KIF20B: variants seen among roughly 807,000 people sequenced by gnomAD.
KIF20B encodes the protein kinesin family member 20B, also known as kinesin-like protein KIF20B.
In KIF20B, 188 loss-of-function variants were observed where a neutral mutation model predicts 232.5. The ratio of observed to expected loss-of-function variants is 0.81; its 90% CI spans 0.72 to 0.91. KIF20B has a LOEUF of 0.91. Ranked by LOEUF, KIF20B falls within the 40% of genes least tolerant of loss-of-function variation. The pLI, the probability that KIF20B is intolerant of heterozygous loss-of-function variation, is 0.00. For missense variants in KIF20B, 2,154 were observed against 2,055.9 expected (o/e 1.05, Z -0.92); for synonymous variants, 712 against 683.0 (o/e 1.04, Z -0.66).
Position 89,738,285 on chromosome 10 carries a change from G to C in KIF20B, c.3444G>C (p.Ala1148=), listed in dbSNP as rs764171222. 2 of 1,610,892 alleles carry C rather than the reference G, an allele frequency of 1.2e-6. No homozygotes were observed. The highest frequency in any genetic ancestry group is 3.4e-5 in the Admixed American group (2 of 59,546). The part of the protein sequence containing the change: ...QIQHVVEGKR[A]LSELTQGVTC... ...AGCATGTAGTTGAAGGAAAGAGAGC[G>C]CTTTCAGAACTTACACAAGGTGTTA... The change falls in exon 20 of 33, where the codon GCG becomes GCC. Residue 1148 remains alanine (A), a synonymous_variant. Coordinates refer to ENST00000371728, the MANE Select transcript of KIF20B (RefSeq NM_001284259.2).
In KIF20B at chr10:89,715,066, T is replaced by C. The variant is rs776079423; in HGVS notation, c.824T>C (p.Phe275Ser). The change falls in exon 8 of 33, where the codon TTC becomes TCC. Residue 275 changes from phenylalanine to serine, a missense_variant. By Grantham distance (155) the Phe-to-Ser change is radical. Transcript: ENST00000371728. ...ATAAAATTTTCTGTGTGGGTTTCTT[T>C]CTTTGAAATTTACAATGAATATATT... is the stretch of plus-strand genomic sequence containing the variant. Reference protein sequence around the residue: ...NSIKFSVWVSFFEIYNEYIYD... With the variant: ...NSIKFSVWVSSFEIYNEYIYD... The C allele has an allele frequency of 6.2e-7, 1 of 1,606,524 alleles. No homozygotes were observed. Among genetic ancestry groups the C allele is most frequent in the South Asian group, 1.1e-5 (1 of 89,392 alleles).
rs78731683 is a variant in KIF20B at position 89,706,631 on chromosome 10, AT to A, written c.147+1203del. On this transcript the variant is annotated intron_variant, in intron 2 of 32. Coordinates refer to ENST00000371728, the MANE Select transcript of KIF20B (RefSeq NM_001284259.2). Reference sequence around the variant, plus strand: ...TTCTTTTTCTTTTTAGCTTCCATACATTTTTTTTTTTTTAACTACATAAGTA... The same window carrying A: ...TTCTTTTTCTTTTTAGCTTCCATACATTTTTTTTTTTTAACTACATAAGTA... 8.8e-3 allele frequency among the ~76,000 whole-genome samples: 1,276 copies of A among 144,804 alleles called. 11 individuals carry two copies. Among genetic ancestry groups the A allele is most frequent in the African/African-American group, 0.017 (688 of 40,124 alleles). 95.0% of individuals were successfully genotyped at this position (144,804 alleles called of 152,430 possible). A position where few individuals can be genotyped will look rare whatever the true frequency, so the allele number is the denominator to read the frequency against.
At chr10:89,714,881 G>A (rs1407746769) in intron 7 of KIF20B, 74 bp from the exon 8 acceptor site, 13 of 912,496 alleles carry the variant, frequency 1.4e-5, no homozygotes, top group Non-Finnish European at 2.0e-5. Flanking sequence ...TGTGAGAATC[G>A]ATTTGTACTT....
At position 89,705,224 on chromosome 10, in the gene KIF20B, T is replaced by C. The variant is rs1013998261; in HGVS notation, c.-1-70T>C. 581 of 1,385,876 alleles carry C rather than the reference T, an allele frequency of 4.2e-4. 1 individual carries two copies. Among genetic ancestry groups the C allele is most frequent in the Non-Finnish European group, 5.5e-4 (547 of 987,552 alleles). 85.8% of individuals were successfully genotyped at this position (1,385,876 alleles called of 1,614,324 possible). A position where few individuals can be genotyped will look rare whatever the true frequency, so the allele number is the denominator to read the frequency against. ...TTTGGAGGGAAGTAGTGGGCTAGACTTTTGAAAGTGTGGGTGGCTTACATG... is the reference window on the plus strand; with the variant it reads ...TTTGGAGGGAAGTAGTGGGCTAGACCTTTGAAAGTGTGGGTGGCTTACATG... On this transcript the variant is annotated intron_variant, in intron 1 of 32. Transcript: ENST00000371728.
Position 89,737,962 on chromosome 10 carries a change from G to A in KIF20B, c.3121G>A (p.Glu1041Lys), listed in dbSNP as rs1463164504. 6.2e-7 allele frequency: 1 copy of A among 1,613,166 alleles called. No homozygotes were observed. Residue 1041 changes from glutamate (E) to lysine (K), a missense_variant, in exon 20 of 33, where the codon GAA becomes AAA. Transcript: ENST00000371728. ...NDYLVSKQVK[E>K]YRIQEPNREN... The stretch of plus-strand genomic sequence containing the variant: ...TTATTTGGTAAGTAAGCAAGTTAAA[G>A]AATATCGAATTCAAGAACCCAATAG...
At chr10:89,719,367 TG>T in intron 12 of KIF20B, 51 bp from the exon 13 acceptor site, 1 of 1,236,804 alleles carries the variant, frequency 8.1e-7, no homozygotes, top group Non-Finnish European at 1.1e-6. Context: ...CATTTTCTAG[TG>T]GACAGTTCTT....
intron 6 of KIF20B, among the ~76,000 whole-genome samples, chr10:89,713,687 ATAAT>A (rs772817886): frequency 6.6e-6 from 1 of 152,224 alleles, no homozygotes; most frequent in Non-Finnish European, 1.5e-5. Context: ...TAATAAGGGA[ATAAT>A]TAAGTCATTT....
chr10:89,725,986 A>G (rs1168510751), intron 15 of KIF20B, among the ~76,000 whole-genome samples: 1 of 152,194 alleles, frequency 6.6e-6, no homozygotes, highest in African/African-American at 2.4e-5. Context: ...ATCCCAACAA[A>G]ACCTTTTAAG....
intron 31 of KIF20B, among the ~76,000 whole-genome samples, chr10:89,770,490 T>A (rs969440603): frequency 6.6e-6 from 1 of 151,998 alleles, no homozygotes; most frequent in Non-Finnish European, 1.5e-5. Context: ...AGAAATATAT[T>A]TTCAAGGAGA....
At chr10:89,706,217 G>A (rs1564655939) in intron 2 of KIF20B, among the ~76,000 whole-genome samples, 3 of 152,070 alleles carry the variant, frequency 2.0e-5, no homozygotes, top group South Asian at 2.1e-4. Flanking sequence ...TGTGGTTTTA[G>A]TTTGCCCTTT....
chr10:89,718,588 C>T (rs1842983881), intron 11 of KIF20B, 122 bp from the exon 12 acceptor site: 2 of 716,398 alleles, frequency 2.8e-6, no homozygotes, highest in Admixed American at 5.6e-5. Flanking sequence ...TGAAACTAAT[C>T]ACTACCCTAA....
chr10:89,734,443 T>C (rs1841600353), intron 19 of KIF20B, among the ~76,000 whole-genome samples: 1 of 152,252 alleles, frequency 6.6e-6, no homozygotes, highest in African/African-American at 2.4e-5. Context: ...GGGGTCATAG[T>C]ATTAAAAAAC....
chr10:89,724,120 A>G lies in KIF20B; in HGVS notation c.1862+17A>G, dbSNP rs370512776. The G allele has an allele frequency of 6.9e-7, 1 of 1,449,014 alleles. No homozygotes were observed. The highest frequency in any genetic ancestry group is 9.1e-7 in the Non-Finnish European group (1 of 1,100,668). The allele number at this position is 1,449,014 out of a possible 1,614,324, so 89.8% of individuals were successfully genotyped here. A position where few individuals can be genotyped will look rare whatever the true frequency, so the allele number is the denominator to read the frequency against. ...TGACTTTAAGTAAGTTATTTATTTC[A>G]TGTCCAGGTAAAAATTGAGAATTTT... On this transcript the variant is annotated intron_variant, in intron 14 of 32. Coordinates refer to ENST00000371728, the MANE Select transcript of KIF20B (RefSeq NM_001284259.2).
Position 89,762,535 on chromosome 10 carries a change from T to C in KIF20B, c.4792-103T>C. 4 of 811,668 alleles carry C rather than the reference T, an allele frequency of 4.9e-6. No individual in the cohort carries two copies. In the South Asian group the frequency reaches 7.2e-5, roughly 15 times the overall value. The allele number at this position is 811,668 out of a possible 1,614,324, so 50.3% of individuals were successfully genotyped here. On this transcript the variant is annotated intron_variant, in intron 28 of 32. Coordinates refer to ENST00000371728, the MANE Select transcript of KIF20B (RefSeq NM_001284259.2). ...TGTGATCTAGCACGCTTTTTGTCTT[T>C]CCCAATGCATTGTCTTGGATAGGCA...
intron 19 of KIF20B, 37 bp from the exon 20 acceptor site, chr10:89,737,350 G>T: frequency 7.0e-7 from 1 of 1,432,866 alleles, no homozygotes; most frequent in Non-Finnish European, 9.2e-7. Context: ...TTTTATTAAG[G>T]TTTGCCAGAT....
intron 1 of KIF20B, among the ~76,000 whole-genome samples, chr10:89,702,390 C>T (rs555371920): frequency 5.9e-5 from 9 of 152,228 alleles, no homozygotes; most frequent in Non-Finnish European, 1.3e-4. Context: ...TGATGCATGT[C>T]TGGCACAGTT....
At chr10:89,717,310 T>A (rs997028692) in intron 9 of KIF20B, 114 bp from the exon 10 acceptor site, 3 of 640,220 alleles carry the variant, frequency 4.7e-6, no homozygotes, top group Non-Finnish European at 8.1e-6. Flanking sequence ...GAAAATGCAA[T>A]GGTGGACTGT....
At chr10:89,728,562 A>G (rs1843241022) in intron 17 of KIF20B, among the ~76,000 whole-genome samples, 1 of 151,470 alleles carries the variant, frequency 6.6e-6, no homozygotes, top group Non-Finnish European at 1.5e-5. Flanking sequence ...CCCAGGCTGG[A>G]GTGCAGTGGC....
chr10:89,719,788 T>C, intron 13 of KIF20B, 82 bp downstream of exon 13: 4 of 1,215,330 alleles, frequency 3.3e-6, no homozygotes, highest in Non-Finnish European at 4.6e-6. Flanking sequence ...CTCTCTTCAG[T>C]TTTTTTCAAC....
Sources: allele counts gnomAD v4.1 joint callset (sites outside exome capture counted in the v4.1 genomes callset), GRCh38; gene constraint gnomAD v4.1.1; transcripts MANE v1.5; gene names NCBI Gene and HGNC (gene_info 2026-07-23, HGNC 2026-07-21).